KLF17: variants seen among roughly 807,000 people sequenced by gnomAD.
The protein encoded by KLF17 is Krueppel-like factor 17.
KLF17 carries 31 observed loss-of-function variants against 34.2 expected under a neutral mutation model. That is an observed-to-expected ratio of 0.91 (90% CI 0.68 to 1.22). The LOEUF (loss-of-function observed/expected upper bound fraction) is 1.22, where lower values mean the gene tolerates loss of function less well. Ranked by LOEUF, KLF17 falls within the 50% of genes most tolerant of loss-of-function variation. KLF17 has a pLI of 0.00. For missense variants in KLF17, 478 were observed against 505.2 expected, an observed-to-expected ratio of 0.95 and a Z score of 0.52; for synonymous variants, 179 against 186.7, an observed-to-expected ratio of 0.96 and a Z score of 0.34.
In KLF17 at chr1:44,129,558, G is replaced by A. The variant is rs147552179; in HGVS notation, c.287G>A (p.Arg96His). The A allele has an allele frequency of 2.2e-5, 36 of 1,613,798 alleles. No homozygotes were observed. The highest frequency in any genetic ancestry group is 8.9e-5 in the East Asian group (4 of 44,888). Residue 96 changes from arginine to histidine, a missense_variant, in exon 2 of 4, where the codon CGT becomes CAT. Coordinates refer to ENST00000372299, the MANE Select transcript of KLF17 (RefSeq NM_173484.4). Reference sequence around the variant, plus strand: ...CAGTTCAGTATGCCACTGCCTGAGCGTGGTATGAGCTACTGCCCCCAAGCG... The same window carrying A: ...CAGTTCAGTATGCCACTGCCTGAGCATGGTATGAGCTACTGCCCCCAAGCG... ...GPQFSMPLPE[R>H]GMSYCPQATL...
chr1:44,129,736 C>G lies in KLF17; in HGVS notation c.465C>G (p.Pro155=). 1 of 1,614,148 alleles carries G rather than the reference C, an allele frequency of 6.2e-7. No homozygotes were observed. Among genetic ancestry groups the G allele is most frequent in the Non-Finnish European group, 8.5e-7 (1 of 1,180,010 alleles). The change falls in exon 2 of 4, where the codon CCC becomes CCG. Residue 155 remains proline, a synonymous_variant. Transcript: ENST00000372299. ...TCGGTGGGAATCTAAGGATGCCCCCCAATGGGCTGCCAGTCTCGGCTTCCA... is the reference window on the plus strand; with the variant it reads ...TCGGTGGGAATCTAAGGATGCCCCCGAATGGGCTGCCAGTCTCGGCTTCCA... ...RPFGGNLRMP[P]NGLPVSASTG... is the part of the protein sequence containing the mutation.
chr1:44,089,829 A>T, the KLF17 span, among the ~76,000 whole-genome samples: 1 of 152,154 alleles, frequency 6.6e-6, no homozygotes, highest in African/African-American at 2.4e-5. Context: ...CATGCATTGT[A>T]TGAGTGCTTC....
chr1:44,090,335 A>G, the KLF17 span, among the ~76,000 whole-genome samples: 3 of 140,532 alleles, frequency 2.1e-5, no homozygotes, highest in South Asian at 6.7e-4. Context: ...AAAAAAAAAA[A>G]AAGAAAAGAT....
chr1:44,129,504 C>T lies in KLF17; in HGVS notation c.233C>T (p.Pro78Leu), dbSNP rs377749405. 3.0e-5 allele frequency: 49 copies of T among 1,612,470 alleles called. No individual in the cohort carries two copies. Among genetic ancestry groups the T allele is most frequent in the South Asian group, 2.1e-4 (19 of 90,832 alleles). The stretch of plus-strand genomic sequence containing the variant: ...TCCCCTTTGGTGTCTGTTGAGGCGC[C>T]GGGGCAGAATGTGAATGAAGGGGGG... ...LGSPLVSVEAPGQNVNEGGPQ... is the reference protein window; with the variant it reads ...LGSPLVSVEALGQNVNEGGPQ... The change falls in exon 2 of 4, where the codon CCG (proline) becomes CTG (leucine). Residue 78 changes from proline (P) to leucine (L), a missense_variant. Physicochemically the swap from Pro to Leu is moderately conservative, Grantham distance 98. Transcript: ENST00000372299.
At chr1:44,132,734 A>G (rs2088126079) in intron 3 of KLF17, among the ~76,000 whole-genome samples, 1 of 151,960 alleles carries the variant, frequency 6.6e-6, no homozygotes, top group Non-Finnish European at 1.5e-5. Context: ...TTCTCCTCCC[A>G]CCTTCCTTAG....
At chr1:44,091,975 T>A in the KLF17 span, among the ~76,000 whole-genome samples, 2 of 141,496 alleles carry the variant, frequency 1.4e-5, no homozygotes, top group Non-Finnish European at 3.0e-5. Flanking sequence ...TCTCTCTCTC[T>A]CTCTCTCTCT....
chr1:44,113,562 G>T, the KLF17 span, among the ~76,000 whole-genome samples: 1 of 152,254 alleles, frequency 6.6e-6, no homozygotes, highest in Admixed American at 6.5e-5. Context: ...GGTAGGAGTT[G>T]GGTGGGGGAA....
the KLF17 span, among the ~76,000 whole-genome samples, chr1:44,100,293 G>T: frequency 0.32 from 47,360 of 147,798 alleles, 7,958 homozygotes; most frequent in South Asian, 0.38. Context: ...AGAAAGAAAT[G>T]ACACTGGTGA....
chr1:44,065,480 G>T, the KLF17 span, among the ~76,000 whole-genome samples: 1 of 146,008 alleles, frequency 6.8e-6, no homozygotes, highest in Admixed American at 6.9e-5. Flanking sequence ...TGTGATGTAG[G>T]CTCATTGCAA....
At chr1:44,084,928 GA>G in the KLF17 span, among the ~76,000 whole-genome samples, 61 of 120,768 alleles carry the variant, frequency 5.1e-4, no homozygotes, top group South Asian at 1.3e-3. Flanking sequence ...ATAAAAATTA[GA>G]AAAAAAAAAA....
At chr1:44,120,103 T>C (rs2087928995) in intron 1 of KLF17, among the ~76,000 whole-genome samples, 1 of 152,140 alleles carries the variant, frequency 6.6e-6, no homozygotes, top group Admixed American at 6.5e-5. Flanking sequence ...CACAATTGGG[T>C]GACAATAGTG....
At chr1:44,124,295 A>C (rs1404927551) in intron 1 of KLF17, among the ~76,000 whole-genome samples, 2 of 150,456 alleles carry the variant, frequency 1.3e-5, no homozygotes, top group Non-Finnish European at 3.0e-5. Flanking sequence ...TGTAGTGAAA[A>C]TACATTTCCT....
the KLF17 span, among the ~76,000 whole-genome samples, chr1:44,077,872 C>A: frequency 1.1e-4 from 16 of 152,092 alleles, no homozygotes; most frequent in Non-Finnish European, 2.1e-4. Context: ...AGATATAGGT[C>A]TTTTGTCTCA....
chr1:44,104,006 C>G, the KLF17 span: 5 of 854,044 alleles, frequency 5.9e-6, no homozygotes, highest in South Asian at 3.9e-5. Context: ...TGATGCTGTC[C>G]GTGTCCATGG....
intron 1 of KLF17, among the ~76,000 whole-genome samples, chr1:44,120,061 G>A (rs2087928708): frequency 6.6e-6 from 1 of 152,194 alleles, no homozygotes; most frequent in Non-Finnish European, 1.5e-5. Context: ...GGGTGGTGAG[G>A]GAGACATCTA....
chr1:44,118,336 T>C (rs2087902794), upstream of KLF17, among the ~76,000 whole-genome samples: 1 of 152,192 alleles, frequency 6.6e-6, no homozygotes, highest in Admixed American at 6.5e-5. Context: ...ATAAACAGGT[T>C]GTGCCATGAA....
At chr1:44,127,543 T>C (rs1274511698) in intron 1 of KLF17, among the ~76,000 whole-genome samples, 1 of 150,942 alleles carries the variant, frequency 6.6e-6, no homozygotes, top group Non-Finnish European at 1.5e-5. Context: ...CCCTCCTTCC[T>C]TCCTTCCTTC....
At chr1:44,103,977 T>G in the KLF17 span, 1 of 858,530 alleles carries the variant, frequency 1.2e-6, no homozygotes, top group Non-Finnish European at 2.0e-6. Flanking sequence ...GATCTCGTAC[T>G]GCGCCTTGAC....
At chr1:44,111,464 T>TTG in the KLF17 span, among the ~76,000 whole-genome samples, 1 of 30,670 alleles carries the variant, frequency 3.3e-5, no homozygotes, top group Non-Finnish European at 8.9e-5. Context: ...TTGCAACTTG[T>TTG]TTTTTTTTTT....
Sources: allele counts gnomAD v4.1 joint callset (sites outside exome capture counted in the v4.1 genomes callset), GRCh38; gene constraint gnomAD v4.1.1; transcripts MANE v1.5; gene names NCBI Gene and HGNC (gene_info 2026-07-23, HGNC 2026-07-21).